FAM118B: variants seen among roughly 807,000 people sequenced by gnomAD.
The protein encoded by FAM118B is SIR2 antiphage like 1.
In FAM118B, 24 loss-of-function variants were observed where a neutral mutation model predicts 38.5. The ratio of observed to expected loss-of-function variants is 0.62; its 90% CI spans 0.45 to 0.88. The LOEUF is 0.88. Ranked by LOEUF, FAM118B falls within the 40% of genes least tolerant of loss-of-function variation. FAM118B has a pLI of 0.00. For synonymous variants in FAM118B, 138 were observed against 156.3 expected (o/e 0.88, Z 0.87); for missense variants, 334 against 420.0 (o/e 0.80, Z 1.79).
intron 1 of FAM118B, among the ~76,000 whole-genome samples, chr11:126,220,801 T>C (rs892324702): frequency 1.1e-4 from 17 of 152,016 alleles, no homozygotes; most frequent in African/African-American, 4.1e-4. Flanking sequence ...ATGGCTTCTG[T>C]GACAAATAAT....
chr11:126,233,338 A>G (rs1950231232), intron 2 of FAM118B, among the ~76,000 whole-genome samples: 1 of 152,082 alleles, frequency 6.6e-6, no homozygotes, highest in Admixed American at 6.6e-5. Context: ...AGCTGGGCAT[A>G]GTGGCGCATG....
intron 3 of FAM118B, among the ~76,000 whole-genome samples, chr11:126,240,275 CTTT>C (rs199839025): frequency 1.5e-5 from 2 of 136,450 alleles, no homozygotes. Context: ...CTTTTTTTTT[CTTT>C]TTTTTTTTTG....
At chr11:126,261,798 G>A (rs998059494) in intron 8 of FAM118B, among the ~76,000 whole-genome samples, 7 of 152,020 alleles carry the variant, frequency 4.6e-5, no homozygotes, top group Non-Finnish European at 1.0e-4. Flanking sequence ...AGACCAGCCT[G>A]AGCAACATAG....
intron 1 of FAM118B, among the ~76,000 whole-genome samples, chr11:126,223,748 C>T (rs1055609980): frequency 3.3e-5 from 5 of 152,126 alleles, no homozygotes; most frequent in African/African-American, 1.2e-4. Context: ...TAAGAATCAA[C>T]CCTTAAAAAC....
rs1413251206 is a variant in FAM118B, at chr11:126,250,398, C to CTGTT, written c.340-106_340-103dup. 1.3e-6 allele frequency: 1 copy of CTGTT among 747,698 alleles called. No homozygotes were observed. Among genetic ancestry groups the CTGTT allele is most frequent in the Non-Finnish European group, 2.2e-6 (1 of 454,662 alleles). The allele number at this position is 747,698 out of a possible 1,614,324, so 46.3% of individuals were successfully genotyped here. On this transcript the variant is annotated intron_variant, in intron 4 of 8. Coordinates refer to ENST00000533050, the MANE Select transcript of FAM118B (RefSeq NM_024556.4). The surrounding 1 kb of genome is among the most constrained non-coding windows in gnomAD (Gnocchi z 5.1). ...GAGCCACTGCGCCTGGCCTTTATCT[C>CTGTT]TGTTTTGAATTCAAAATATTCTTCC...
At chr11:126,223,522 C>G (rs543060958) in intron 1 of FAM118B, among the ~76,000 whole-genome samples, 2 of 148,464 alleles carry the variant, frequency 1.3e-5, no homozygotes, top group African/African-American at 2.5e-5. Flanking sequence ...GGCGTCAGCC[C>G]GGGAGGCAGA....
chr11:126,227,473 C>G (rs1279439000), intron 1 of FAM118B, among the ~76,000 whole-genome samples: 1 of 152,118 alleles, frequency 6.6e-6, no homozygotes, highest in East Asian at 1.9e-4. Flanking sequence ...TTATATCTGT[C>G]TAAAATGTTG....
chr11:126,240,421 G>A (rs1344656033), intron 3 of FAM118B, among the ~76,000 whole-genome samples: 1 of 151,920 alleles, frequency 6.6e-6, no homozygotes, highest in East Asian at 1.9e-4. Flanking sequence ...CAAATCAAAC[G>A]TCTTCTTTTG....
chr11:126,222,722 A>G (rs1591503330), intron 1 of FAM118B, among the ~76,000 whole-genome samples: 2 of 152,208 alleles, frequency 1.3e-5, no homozygotes, highest in East Asian at 3.8e-4. Flanking sequence ...AATTAGAAAT[A>G]TCAATTGATC....
chr11:126,254,374 A>C lies in FAM118B; in HGVS notation c.637A>C (p.Ser213Arg), dbSNP rs559540828. Residue 213 changes from serine (S) to arginine (R), a missense_variant, in exon 6 of 9, where the codon AGT (serine) becomes CGT (arginine). Ser to Arg is a moderately radical substitution (Grantham distance 110, BLOSUM62 -1). Coordinates refer to ENST00000533050, the MANE Select transcript of FAM118B (RefSeq NM_024556.4). The stretch of plus-strand genomic sequence containing the variant: ...TATTCACGGAGTCTACACCAACCCT[A>C]GTGGCATTGTCCTTCATCCGGCTGG... ...LHIHGVYTNP[S>R]GIVLHPAGYQ... 338 of 1,614,094 alleles carry C rather than the reference A, an allele frequency of 2.1e-4. No homozygotes were observed. Among genetic ancestry groups the C allele is most frequent in the Non-Finnish European group, 2.7e-4 (318 of 1,180,038 alleles).
At chr11:126,246,187 A>G (rs186024351) in intron 4 of FAM118B, among the ~76,000 whole-genome samples, 74 of 152,320 alleles carry the variant, frequency 4.9e-4, no homozygotes, top group Admixed American at 2.9e-3. Context: ...TAGGTGAGAT[A>G]GAAGTATTGC....
chr11:126,215,947 G>A (rs1264228014), intron 1 of FAM118B, among the ~76,000 whole-genome samples: 1 of 152,166 alleles, frequency 6.6e-6, no homozygotes, highest in Non-Finnish European at 1.5e-5. Flanking sequence ...ATTCAAGGCT[G>A]CAGCTGCAGT....
rs1316799012 is a variant in FAM118B, at chr11:126,262,843, C to T, written c.*710C>T. The T allele has an allele frequency of 6.6e-6, 1 of 152,608 alleles. No homozygotes were observed. Among genetic ancestry groups the T allele is most frequent in the Non-Finnish European group, 1.5e-5 (1 of 68,062 alleles). 9.5% of individuals were successfully genotyped at this position (152,608 alleles called of 1,614,324 possible). On this transcript the variant is annotated 3_prime_UTR_variant, in exon 9 of 9. Transcript: ENST00000533050. ...GCATTATCAACTTCTGCTCTGTTGT[C>T]CTGACCATACATATGTCCTAGAACT...
In FAM118B at chr11:126,256,923, T is replaced by C. The variant is rs1280640251; in HGVS notation, c.982+71T>C. ...TTCAGCCTTTTGTGTATTTGTGATG[T>C]GATGGGCAAAATAGTTGCCAAGATG... On this transcript the variant is annotated intron_variant, in intron 7 of 8. Transcript: ENST00000533050. The surrounding 1 kb of genome is among the most constrained non-coding windows in gnomAD (Gnocchi z 6.6). 5 of 1,450,272 alleles carry C rather than the reference T, an allele frequency of 3.4e-6. No individual in the cohort carries two copies. The highest frequency in any genetic ancestry group is 4.7e-6 in the Non-Finnish European group (5 of 1,067,778). The allele number at this position is 1,450,272 out of a possible 1,614,324, so 89.8% of individuals were successfully genotyped here. A position where few individuals can be genotyped will look rare whatever the true frequency, so the allele number is the denominator to read the frequency against.
In FAM118B at chr11:126,262,130, A is replaced by G. The variant is rs1349496914; in HGVS notation, c.1053A>G (p.Thr351=). 1.2e-6 allele frequency: 2 copies of G among 1,613,986 alleles called. No individual in the cohort carries two copies. Among genetic ancestry groups the G allele is most frequent in the African/African-American group, 1.3e-5 (1 of 74,916 alleles). The part of the protein sequence containing the change: ...AAHSEIRGCS[T] ...TCTTTCTCCCTACAGGCTGTAGTACATGAGCGAGCTAGAGAAATCACCACC... is the reference window on the plus strand; with the variant it reads ...TCTTTCTCCCTACAGGCTGTAGTACGTGAGCGAGCTAGAGAAATCACCACC... Residue 351 remains threonine (T), a synonymous_variant, in exon 9 of 9, where the codon ACA becomes ACG. Coordinates refer to ENST00000533050, the MANE Select transcript of FAM118B (RefSeq NM_024556.4).
chr11:126,222,820 G>A (rs1482561710), intron 1 of FAM118B, among the ~76,000 whole-genome samples: 1 of 152,190 alleles, frequency 6.6e-6, no homozygotes, highest in East Asian at 1.9e-4. Context: ...CTTTATAACA[G>A]GAACTATGCT....
At chr11:126,246,757 A>C (rs11220421) in intron 4 of FAM118B, among the ~76,000 whole-genome samples, 17,849 of 152,052 alleles carry the variant, frequency 0.12, 1,095 homozygotes, top group South Asian at 0.14. Flanking sequence ...TCTTGTTTTT[A>C]CTAAGTTTCA....
rs546350000 is a variant in FAM118B, at chr11:126,250,189, T to C, written c.340-317T>C. On this transcript the variant is annotated intron_variant, in intron 4 of 8. Coordinates refer to ENST00000533050, the MANE Select transcript of FAM118B (RefSeq NM_024556.4). This position sits in a 1 kb window ranked among gnomAD's most constrained non-coding sequence, Gnocchi z 5.1. ...TCACTGCAAGCTCCGCCTCCTGGGTTCACACCATTCTCCTGCCTCAGCCTC... is the reference window on the plus strand; with the variant it reads ...TCACTGCAAGCTCCGCCTCCTGGGTCCACACCATTCTCCTGCCTCAGCCTC... Among the ~76,000 whole-genome samples the C allele has an allele frequency of 2.0e-5, 3 of 151,942 alleles. No homozygotes were observed. The highest frequency in any genetic ancestry group is 7.2e-5 in the African/African-American group (3 of 41,478).
chr11:126,220,584 G>A (rs184016496), intron 1 of FAM118B, among the ~76,000 whole-genome samples: 7 of 152,142 alleles, frequency 4.6e-5, no homozygotes, highest in Admixed American at 2.0e-4. Context: ...GTGTGGTGGT[G>A]CGCACCTGTA....
Sources: allele counts gnomAD v4.1 joint callset (sites outside exome capture counted in the v4.1 genomes callset), GRCh38; gene constraint gnomAD v4.1.1; non-coding constraint Gnocchi (gnomAD v3.1); transcripts MANE v1.5; gene names NCBI Gene and HGNC (gene_info 2026-07-23, HGNC 2026-07-21).